The following REL variants were observed in gnomAD, a reference collection of about 807,000 sequenced individuals.
REL encodes the protein proto-oncogene c-Rel.
In REL, 15 loss-of-function variants were observed where a neutral mutation model predicts 45.9. That is an observed-to-expected ratio of 0.33 (90% confidence interval 0.22 to 0.50). The LOEUF (loss-of-function observed/expected upper bound fraction) is 0.50, where lower values mean the gene tolerates loss of function less well. REL is among the 20% of genes least tolerant of loss of function. REL has a pLI of 0.98. For missense variants in REL, 601 were observed against 715.2 expected, an observed-to-expected ratio of 0.84 and a Z score of 1.82; for synonymous variants, 239 against 242.1, an observed-to-expected ratio of 0.99 and a Z score of 0.12.
At chr2:60,882,407 G>C (rs886073330) in intron 1 of REL, among the ~76,000 whole-genome samples, 1 of 152,172 alleles carries the variant, frequency 6.6e-6, no homozygotes, top group East Asian at 1.9e-4. Flanking sequence ...GGGCGCGGTG[G>C]CTCATGCCTG....
intron 4 of REL, among the ~76,000 whole-genome samples, chr2:60,914,417 A>G (rs1473809744): frequency 6.6e-6 from 1 of 152,198 alleles, no homozygotes; most frequent in Non-Finnish European, 1.5e-5. Context: ...ATTTTTTTTG[A>G]GAAGTAAGTA....
chr2:60,905,995 C>T (rs1267056990), intron 4 of REL, among the ~76,000 whole-genome samples: 1 of 152,156 alleles, frequency 6.6e-6, no homozygotes, highest in African/African-American at 2.4e-5. Flanking sequence ...TTTAATTGGA[C>T]TTACAGTTCC....
At chr2:60,889,543 C>T (rs1288503240) in intron 1 of REL, among the ~76,000 whole-genome samples, 2 of 151,912 alleles carry the variant, frequency 1.3e-5, no homozygotes, top group Non-Finnish European at 2.9e-5. Context: ...ATACATGTGC[C>T]ATGTTGGTGT....
In REL at chr2:60,924,260, T is replaced by C. The variant is rs1016035087; in HGVS notation, c.*1725T>C. 4.9e-5 allele frequency: 11 copies of C among 225,730 alleles called. No homozygotes were observed. The highest frequency in any genetic ancestry group is 8.9e-5 in the African/African-American group (4 of 44,966). The allele number at this position is 225,730 out of a possible 1,614,324, so 14.0% of individuals were successfully genotyped here. On this transcript the variant is annotated 3_prime_UTR_variant, in exon 10 of 10. Coordinates refer to ENST00000394479, the MANE Select transcript of REL (RefSeq NM_001291746.2). ...CTGACTTTACTAAGTATTTATTCATTTACTGTTTGTTTTCCCATACCGAAA... is the reference window on the plus strand; with the variant it reads ...CTGACTTTACTAAGTATTTATTCATCTACTGTTTGTTTTCCCATACCGAAA...
intron 4 of REL, among the ~76,000 whole-genome samples, chr2:60,908,212 A>T (rs563923033): frequency 3.3e-5 from 5 of 152,274 alleles, no homozygotes; most frequent in South Asian, 2.1e-4. Flanking sequence ...AGGGTCTGTG[A>T]TGGAATCTTG....
At chr2:60,905,270 A>AT (rs1484149355) in intron 4 of REL, among the ~76,000 whole-genome samples, 1 of 151,732 alleles carries the variant, frequency 6.6e-6, no homozygotes, top group South Asian at 2.1e-4. Flanking sequence ...AATTTTTTGT[A>AT]TTTTTAGTAG....
intron 4 of REL, among the ~76,000 whole-genome samples, chr2:60,912,978 T>C (rs191063913): frequency 6.6e-6 from 1 of 152,280 alleles, no homozygotes; most frequent in Non-Finnish European, 1.5e-5. Flanking sequence ...AATCAACATT[T>C]TAAAAACTTT....
chr2:60,892,509 A>G (rs569926821), intron 2 of REL, among the ~76,000 whole-genome samples: 1 of 151,982 alleles, frequency 6.6e-6, no homozygotes, highest in Admixed American at 6.6e-5. Flanking sequence ...GCTCACTGCA[A>G]CCTCCGCCTC....
chr2:60,891,651 CACTG>C (rs1673218589), intron 1 of REL, 28 bp from the exon 2 acceptor site: 1 of 1,553,020 alleles, frequency 6.4e-7, no homozygotes, highest in Non-Finnish European at 8.7e-7. Context: ...ATATTAATCT[CACTG>C]ACCTCCTCCT....
At position 60,881,578 on chromosome 2, in the gene REL, G is replaced by T; in HGVS notation, c.-263G>T. On this transcript the variant is annotated 5_prime_UTR_variant, in exon 1 of 10. Coordinates refer to ENST00000394479, the MANE Select transcript of REL (RefSeq NM_001291746.2). ...TCGCCTCTCGGCTGGGCCAGCACTC[G>T]GCTCTCCCCGCTCCGCCCCCTGCCC... The T allele has an allele frequency of 2.1e-6, 1 of 472,632 alleles. No individual in the cohort carries two copies. Among genetic ancestry groups the T allele is most frequent in the South Asian group, 3.0e-5 (1 of 33,532 alleles). The allele number at this position is 472,632 out of a possible 1,614,324, so 29.3% of individuals were successfully genotyped here.
At position 60,891,712 on chromosome 2, in the gene REL, G is replaced by T; in HGVS notation, c.40G>T (p.Glu14Ter). Reference sequence around the variant, plus strand: ...GTATAACCCGTATATAGAGATAATTGAACAACCCAGGCAGAGGGGAATGCG... The same window carrying T: ...GTATAACCCGTATATAGAGATAATTTAACAACCCAGGCAGAGGGGAATGCG... ...GAYNPYIEII[E>*]QPRQRGMRFR... is the part of the protein sequence containing the mutation. Residue 14 changes from glutamate to a stop codon, truncating the protein, a stop_gained, in exon 2 of 10, where the codon GAA (glutamate) becomes TAA (stop). Coordinates refer to ENST00000394479, the MANE Select transcript of REL (RefSeq NM_001291746.2). LOFTEE classifies it high-confidence loss of function. 6.2e-7 allele frequency: 1 copy of T among 1,613,664 alleles called. No homozygotes were observed. Among genetic ancestry groups the T allele is most frequent in the South Asian group, 1.1e-5 (1 of 91,016 alleles).
At chr2:60,906,854 T>C (rs1415280476) in intron 4 of REL, among the ~76,000 whole-genome samples, 1 of 132,706 alleles carries the variant, frequency 7.5e-6, no homozygotes, top group Non-Finnish European at 1.8e-5. Flanking sequence ...TGTGTGTGTA[T>C]GTATGTGTGT....
rs977083995 is a variant in REL, at chr2:60,929,815, A to G, written c.*7280A>G. On this transcript the variant is annotated 3_prime_UTR_variant, in exon 10 of 10. Transcript: ENST00000394479. ...GCACATGTACCCTAAAGCTTAAAGT[A>G]TAATAAAAAATAAATAAATAAATAA... The G allele has an allele frequency of 2.0e-5, 3 of 151,682 alleles. No homozygotes were observed. Among genetic ancestry groups the G allele is most frequent in the African/African-American group, 4.8e-5 (2 of 41,330 alleles). 9.4% of individuals were successfully genotyped at this position (151,682 alleles called of 1,614,324 possible).
rs1674271778 is a variant in REL at position 60,926,530 on chromosome 2, C to T, written c.*3995C>T. ...TTTCTGTGGTAGTCAAGATTCCTCC[C>T]TGAGATTTATTTCCCATGAGTCTTG... On this transcript the variant is annotated 3_prime_UTR_variant, in exon 10 of 10. Coordinates refer to ENST00000394479, the MANE Select transcript of REL (RefSeq NM_001291746.2). 1 of 231,848 alleles carries T rather than the reference C, an allele frequency of 4.3e-6. No individual in the cohort carries two copies. The highest frequency in any genetic ancestry group is 1.8e-4 in the South Asian group (1 of 5,520). The allele number at this position is 231,848 out of a possible 1,614,324, so 14.4% of individuals were successfully genotyped here.
chr2:60,921,350 T>C (rs1674135911), intron 9 of REL, among the ~76,000 whole-genome samples: 3 of 152,156 alleles, frequency 2.0e-5, no homozygotes, highest in South Asian at 4.1e-4. Context: ...CCCTAATGAG[T>C]GTTGTCTCCA....
rs1674357186 is a variant in REL at position 60,930,268 on chromosome 2, T to A, written c.*7733T>A. The A allele has an allele frequency of 6.6e-6, 1 of 152,346 alleles. No individual in the cohort carries two copies. The highest frequency in any genetic ancestry group is 6.5e-5 in the Admixed American group (1 of 15,284). The allele number at this position is 152,346 out of a possible 1,614,324, so 9.4% of individuals were successfully genotyped here. ...TATCTGTATATCCTATGTCCCGGAT[T>A]AATCTTTAATTTAGATACTCCTTCT... On this transcript the variant is annotated 3_prime_UTR_variant, in exon 10 of 10. Coordinates refer to ENST00000394479, the MANE Select transcript of REL (RefSeq NM_001291746.2).
intron 4 of REL, among the ~76,000 whole-genome samples, chr2:60,903,133 A>G (rs543788472): frequency 2.0e-5 from 3 of 152,332 alleles, no homozygotes; most frequent in East Asian, 1.9e-4. Context: ...AGTGATAGCT[A>G]TCATTTATTA....
intron 3 of REL, among the ~76,000 whole-genome samples, chr2:60,896,040 T>G (rs1673338404): frequency 6.6e-6 from 1 of 152,098 alleles, no homozygotes; most frequent in African/African-American, 2.4e-5. Context: ...TCTTGCTTTG[T>G]TGCCCAGGCT....
At chr2:60,917,070 T>C (rs1673988815) in intron 5 of REL, 53 bp downstream of exon 5, 1 of 1,445,388 alleles carries the variant, frequency 6.9e-7, no homozygotes. Flanking sequence ...TTTGTAATAG[T>C]TTAATTCTTA....
Sources: allele counts gnomAD v4.1 joint callset (sites outside exome capture counted in the v4.1 genomes callset), GRCh38; gene constraint gnomAD v4.1.1; transcripts MANE v1.5; gene names NCBI Gene and HGNC (gene_info 2026-07-23, HGNC 2026-07-21).